SLC39A10: variants seen among roughly 807,000 people sequenced by gnomAD.
The protein encoded by SLC39A10 is solute carrier family 39 member 10.
A neutral mutation model predicts 65.1 loss-of-function variants in SLC39A10; 13 were observed. The ratio of observed to expected loss-of-function variants is 0.20; its 90% CI spans 0.13 to 0.32. The LOEUF is 0.32. SLC39A10 is among the 10% of genes least tolerant of loss of function. SLC39A10 has a pLI of 1.00. For missense variants in SLC39A10, 831 were observed against 1,018.4 expected, an observed-to-expected ratio of 0.82 and a Z score of 2.50; for synonymous variants, 321 against 342.2, an observed-to-expected ratio of 0.94 and a Z score of 0.68.
At chr2:195,619,502 C>T (rs965237388) in intron 2 of SLC39A10, among the ~76,000 whole-genome samples, 2 of 152,162 alleles carry the variant, frequency 1.3e-5, no homozygotes, top group Admixed American at 6.5e-5. Context: ...GGAGTGCTTG[C>T]ATTTGCCTAA....
chr2:195,713,302 G>T (rs112032948), intron 5 of SLC39A10, 131 bp from the exon 6 acceptor site: 9 of 685,076 alleles, frequency 1.3e-5, no homozygotes, highest in South Asian at 9.6e-5. Flanking sequence ...TTTTTTTCAC[G>T]CCCCTTTAAA....
chr2:195,734,937 G>T lies in SLC39A10; in HGVS notation c.2392G>T (p.Val798Leu), dbSNP rs1428994927. ...CAATGAAGAACATGGCTTTTGTCCT[G>T]TGGGGCAATTCATCCTTCAGAATTT... is the stretch of plus-strand genomic sequence containing the variant. Reference protein sequence around the residue: ...GDNEEHGFCPVGQFILQNLGL... With the variant: ...GDNEEHGFCPLGQFILQNLGL... The change falls in exon 10 of 10, where the codon GTG becomes TTG. Residue 798 changes from valine (V) to leucine (L), a missense_variant. Physicochemically the swap from Val to Leu is conservative, Grantham distance 32. Transcript: ENST00000359634. 1 of 1,612,444 alleles carries T rather than the reference G, an allele frequency of 6.2e-7. No homozygotes were observed.
chr2:195,644,445 G>A (rs1407701309), intron 2 of SLC39A10, among the ~76,000 whole-genome samples: 1 of 150,100 alleles, frequency 6.7e-6, no homozygotes, highest in African/African-American at 2.5e-5. Flanking sequence ...GGGTTCAAGC[G>A]ATTCTCCTGC....
chr2:195,702,713 G>A (rs1261627743), intron 3 of SLC39A10, among the ~76,000 whole-genome samples: 1 of 152,122 alleles, frequency 6.6e-6, no homozygotes, highest in Non-Finnish European at 1.5e-5. Flanking sequence ...GCTCCCACTT[G>A]TTTAAAATTT....
chr2:195,729,349 T>TG (rs542091081), intron 9 of SLC39A10, among the ~76,000 whole-genome samples: 55 of 152,270 alleles, frequency 3.6e-4, no homozygotes, highest in African/African-American at 1.2e-3. Context: ...TGTAAACAAT[T>TG]GTTTCTTTTT....
At chr2:195,668,807 G>A (rs539988140) in intron 1 of SLC39A10, among the ~76,000 whole-genome samples, 2 of 152,206 alleles carry the variant, frequency 1.3e-5, no homozygotes, top group African/African-American at 2.4e-5. Context: ...ACTGTCGCTC[G>A]CACCCAGCAC....
intron 2 of SLC39A10, among the ~76,000 whole-genome samples, chr2:195,626,969 C>T (rs187399645): frequency 1.2e-4 from 19 of 152,146 alleles, no homozygotes; most frequent in Admixed American, 2.6e-4. Flanking sequence ...AATGTCTTCC[C>T]ATATCCCTTG....
chr2:195,675,863 A>G (rs952236900), intron 1 of SLC39A10, among the ~76,000 whole-genome samples: 1 of 152,128 alleles, frequency 6.6e-6, no homozygotes, highest in African/African-American at 2.4e-5. Flanking sequence ...TGGCTGTACC[A>G]ATATATACTT....
At chr2:195,715,860 T>A (rs1179279123) in intron 6 of SLC39A10, among the ~76,000 whole-genome samples, 1 of 152,242 alleles carries the variant, frequency 6.6e-6, no homozygotes, top group Non-Finnish European at 1.5e-5. Flanking sequence ...TTGCTGGCAG[T>A]ACTAATTATG....
Position 195,735,557 on chromosome 2 carries a change from G to A in SLC39A10, c.*516G>A, listed in dbSNP as rs1192301919. 1.3e-5 allele frequency: 2 copies of A among 152,600 alleles called. No homozygotes were observed. The highest frequency in any genetic ancestry group is 6.5e-5 in the Admixed American group (1 of 15,280). The allele number at this position is 152,600 out of a possible 1,614,324, so 9.5% of individuals were successfully genotyped here. On this transcript the variant is annotated 3_prime_UTR_variant, in exon 10 of 10. Transcript: ENST00000359634. ...GCATAAAGTAGACATAGGAACTAGA[G>A]GAAAGCTCAGGCTGCATTAGAGTAT...
At chr2:195,639,531 A>G (rs1688761123) in intron 2 of SLC39A10, among the ~76,000 whole-genome samples, 1 of 152,168 alleles carries the variant, frequency 6.6e-6, no homozygotes, top group Non-Finnish European at 1.5e-5. Context: ...GGAAGTCACT[A>G]TGGATAGCCC....
intron 3 of SLC39A10, among the ~76,000 whole-genome samples, chr2:195,698,449 G>GT (rs1237199309): frequency 1.3e-5 from 2 of 152,006 alleles, no homozygotes; most frequent in African/African-American, 2.4e-5. Context: ...GATGTTTACT[G>GT]TAAGTTTTTC....
chr2:195,647,814 C>T (rs1396899079), intron 2 of SLC39A10, among the ~76,000 whole-genome samples: 2 of 151,846 alleles, frequency 1.3e-5, no homozygotes, highest in Non-Finnish European at 2.9e-5. Context: ...AAAACACAAA[C>T]TTTCTATTTT....
intron 1 of SLC39A10, among the ~76,000 whole-genome samples, chr2:195,666,654 G>A (rs189531272): frequency 6.6e-6 from 1 of 152,242 alleles, no homozygotes; most frequent in African/African-American, 2.4e-5. Flanking sequence ...TAGAGATGGG[G>A]TTTGGCCATG....
intron 2 of SLC39A10, among the ~76,000 whole-genome samples, chr2:195,616,543 G>A (rs1688213476): frequency 6.6e-6 from 1 of 151,520 alleles, no homozygotes; most frequent in Non-Finnish European, 1.5e-5. Context: ...TTGACCTCAT[G>A]ATCCTCCCAC....
intron 2 of SLC39A10, among the ~76,000 whole-genome samples, chr2:195,634,245 C>A (rs1425348400): frequency 6.6e-6 from 1 of 152,224 alleles, no homozygotes; most frequent in Admixed American, 6.5e-5. Flanking sequence ...ATTCCATTTC[C>A]TGACGCTGGA....
chr2:195,734,837 A>G (rs1692539640), intron 9 of SLC39A10, 46 bp from the exon 10 acceptor site: 2 of 1,515,106 alleles, frequency 1.3e-6, no homozygotes, highest in Non-Finnish European at 1.8e-6. Flanking sequence ...AACTGTTTTG[A>G]GCAGAAGTAT....
At chr2:195,644,143 ATT>A (rs11356816) in intron 2 of SLC39A10, among the ~76,000 whole-genome samples, 26,189 of 144,928 alleles carry the variant, frequency 0.18, 2,377 homozygotes, top group East Asian at 0.32. Flanking sequence ...ATGTACATTC[ATT>A]TTTTTTTTTT....
chr2:195,679,460 GTTC>G (rs1690221438), intron 1 of SLC39A10, among the ~76,000 whole-genome samples: 1 of 152,068 alleles, frequency 6.6e-6, no homozygotes, highest in Non-Finnish European at 1.5e-5. Context: ...CATCTTAGCC[GTTC>G]TTGGCCCTTT....
Sources: allele counts gnomAD v4.1 joint callset (sites outside exome capture counted in the v4.1 genomes callset), GRCh38; gene constraint gnomAD v4.1.1; transcripts MANE v1.5; gene names NCBI Gene and HGNC (gene_info 2026-07-23, HGNC 2026-07-21).